Variants in CCDC171 observed in about 807,000 individuals in gnomAD.
CCDC171 encodes coiled-coil domain containing 171.
A neutral mutation model predicts 168.2 loss-of-function variants in CCDC171; 177 were observed. The observed-to-expected ratio is 1.05, with a 90% CI of 0.93 to 1.19. CCDC171 has a LOEUF of 1.19. CCDC171 is among the 50% of genes most tolerant of loss of function. The pLI is 0.00. For synonymous variants in CCDC171, 687 were observed against 540.8 expected, an observed-to-expected ratio of 1.27 and a Z score of -3.75; for missense variants, 1,991 against 1,539.0, an observed-to-expected ratio of 1.29 and a Z score of -4.91.
intron 21 of CCDC171, among the ~76,000 whole-genome samples, chr9:15,795,500 G>T (rs886703250): frequency 6.6e-6 from 1 of 152,156 alleles, no homozygotes; most frequent in Non-Finnish European, 1.5e-5. Context: ...AAATAATCAG[G>T]TTCAAGAAAT....
intron 2 of CCDC171, among the ~76,000 whole-genome samples, 173 bp from the exon 3 acceptor site, chr9:15,571,451 T>G (rs1485246710): frequency 6.6e-6 from 1 of 152,202 alleles, no homozygotes; most frequent in East Asian, 1.9e-4. Context: ...TACTACTTTG[T>G]ATTTCTACAT....
At chr9:15,665,135 A>C (rs1223196747) in intron 8 of CCDC171, among the ~76,000 whole-genome samples, 1 of 150,980 alleles carries the variant, frequency 6.6e-6, no homozygotes, top group Non-Finnish European at 1.5e-5. Context: ...TTTTTTTTAA[A>C]TTTTTTATTT....
At chr9:15,589,301 A>G (rs2041819976) in intron 4 of CCDC171, among the ~76,000 whole-genome samples, 1 of 152,112 alleles carries the variant, frequency 6.6e-6, no homozygotes, top group Admixed American at 6.5e-5. Context: ...AAGCCCAGAC[A>G]TCTCTTGGGA....
chr9:15,893,429 C>A (rs1053494635), intron 24 of CCDC171, among the ~76,000 whole-genome samples: 2 of 152,100 alleles, frequency 1.3e-5, no homozygotes, highest in Admixed American at 1.3e-4. Flanking sequence ...CAAAAATTGA[C>A]AAATGGTATC....
At chr9:15,877,538 T>C (rs1818016389) in intron 24 of CCDC171, among the ~76,000 whole-genome samples, 1 of 152,162 alleles carries the variant, frequency 6.6e-6, no homozygotes, top group Admixed American at 6.6e-5. Context: ...TATTTACTTT[T>C]CCATGGCATA....
At chr9:15,692,062 C>A (rs2050840309) in intron 10 of CCDC171, among the ~76,000 whole-genome samples, 1 of 152,198 alleles carries the variant, frequency 6.6e-6, no homozygotes, top group African/African-American at 2.4e-5. Context: ...CAACAACTTG[C>A]ATGTATATCT....
At chr9:15,938,301 C>T (rs1463264331) in intron 25 of CCDC171, among the ~76,000 whole-genome samples, 1 of 151,548 alleles carries the variant, frequency 6.6e-6, no homozygotes, top group East Asian at 1.9e-4. Flanking sequence ...AAAATGAATT[C>T]CAGGTTATGA....
At chr9:15,946,970 C>A (rs1050278727) in intron 25 of CCDC171, among the ~76,000 whole-genome samples, 1 of 151,854 alleles carries the variant, frequency 6.6e-6, no homozygotes, top group African/African-American at 2.4e-5. Context: ...TTAGGTTGTA[C>A]AATTAGCATT....
chr9:15,594,259 C>T (rs1190150262), intron 6 of CCDC171, 87 bp downstream of exon 6: 1 of 738,926 alleles, frequency 1.4e-6, no homozygotes, highest in African/African-American at 1.9e-5. Context: ...CTGACTCGCT[C>T]AAAGGGAAAA....
chr9:15,981,769 T>G (rs985107475), intron 3 of CCDC171, among the ~76,000 whole-genome samples: 2 of 152,170 alleles, frequency 1.3e-5, no homozygotes, highest in Non-Finnish European at 2.9e-5. Context: ...CCCCACCTTT[T>G]TCTGGCTCCG....
intron 1 of CCDC171, among the ~76,000 whole-genome samples, chr9:16,050,162 C>T (rs1227956792): frequency 6.6e-6 from 1 of 152,036 alleles, no homozygotes; most frequent in African/African-American, 2.4e-5. Flanking sequence ...GCTGGGATTA[C>T]AGGCATGAGC....
intron 25 of CCDC171, among the ~76,000 whole-genome samples, chr9:15,970,951 TAAATC>T (rs1831303696): frequency 6.6e-6 from 1 of 152,096 alleles, no homozygotes; most frequent in Non-Finnish European, 1.5e-5. Flanking sequence ...CTCAGTGACT[TAAATC>T]AAGAATTACC....
chr9:15,725,489 G>A (rs1309610157), intron 14 of CCDC171, among the ~76,000 whole-genome samples: 5 of 151,786 alleles, frequency 3.3e-5, no homozygotes, highest in Admixed American at 3.3e-4. Context: ...TTGCTCTGTT[G>A]CCTAGGCTGG....
chr9:15,835,837 T>G (rs1232253847), intron 21 of CCDC171, among the ~76,000 whole-genome samples: 4 of 152,228 alleles, frequency 2.6e-5, no homozygotes, highest in Admixed American at 6.5e-5. Context: ...GCCTTTCATA[T>G]TTTTAAGTGT....
At position 15,971,759 on chromosome 9, in the gene CCDC171, C is replaced by T. The variant is rs1831382922; in HGVS notation, c.3904C>T (p.His1302Tyr). 6.2e-7 allele frequency: 1 copy of T among 1,613,830 alleles called. No homozygotes were observed. Among genetic ancestry groups the T allele is most frequent in the African/African-American group, 1.3e-5 (1 of 74,894 alleles). ...GGAGACATTTATAAATACTGTGCCC[C>T]ATGCTCTGACATCATCTCACTCCTC... Reference protein sequence around the residue: ...LKETFINTVPHALTSSHSSPV... With the variant: ...LKETFINTVPYALTSSHSSPV... Residue 1302 changes from histidine (H) to tyrosine (Y), a missense_variant, in exon 26 of 26, where the codon CAT (histidine) becomes TAT (tyrosine). Physicochemically the swap from His to Tyr is moderately conservative, Grantham distance 83 (BLOSUM62 2). Coordinates refer to ENST00000380701, the MANE Select transcript of CCDC171 (RefSeq NM_173550.4).
At chr9:15,777,860 G>C (rs773958379) in intron 19 of CCDC171, 34 bp downstream of exon 19, 1 of 1,338,518 alleles carries the variant, frequency 7.5e-7, no homozygotes, top group Non-Finnish European at 1.0e-6. Context: ...AGTAACCTAA[G>C]AACTTGTAGG....
intron 2 of CCDC171, among the ~76,000 whole-genome samples, chr9:15,565,468 A>G (rs2039658270): frequency 6.6e-6 from 1 of 152,102 alleles, no homozygotes; most frequent in African/African-American, 2.4e-5. Context: ...GTAGGCACGC[A>G]CCATTGCTCC....
At chr9:15,670,305 C>T (rs558087995) in intron 9 of CCDC171, among the ~76,000 whole-genome samples, 13 of 152,166 alleles carry the variant, frequency 8.5e-5, no homozygotes, top group African/African-American at 3.1e-4. Flanking sequence ...ATGACAGATG[C>T]ACTTAATTAT....
chr9:15,723,166 GC>G (rs1331482643), intron 12 of CCDC171, among the ~76,000 whole-genome samples: 1 of 152,168 alleles, frequency 6.6e-6, no homozygotes, highest in Non-Finnish European at 1.5e-5. Context: ...TAAATCACAA[GC>G]GGTGCAGGAC....
Sources: allele counts gnomAD v4.1 joint callset (sites outside exome capture counted in the v4.1 genomes callset), GRCh38; gene constraint gnomAD v4.1.1; transcripts MANE v1.5; gene names NCBI Gene and HGNC (gene_info 2026-07-23, HGNC 2026-07-21).